Variants in CCDC12 observed in about 807,000 individuals in gnomAD.
CCDC12 encodes the protein coiled-coil domain-containing protein 12.
CCDC12 carries 28 observed loss-of-function variants against 25.7 expected under a neutral mutation model. The ratio of observed to expected loss-of-function variants is 1.09; its 90% CI spans 0.81 to 1.50. The LOEUF (loss-of-function observed/expected upper bound fraction) is 1.50. Among genes scored for constraint, CCDC12 ranks in the 40% most tolerant of loss-of-function variants. The pLI is 0.00. For missense variants in CCDC12, 198 were observed against 210.0 expected (o/e 0.94, Z 0.35); for synonymous variants, 75 against 87.7 (o/e 0.86, Z 0.81).
intron 2 of CCDC12, among the ~76,000 whole-genome samples, chr3:46,925,766 T>C (rs544168068): frequency 1.3e-5 from 2 of 152,318 alleles, no homozygotes; most frequent in South Asian, 4.1e-4. Context: ...GTCTACTCTG[T>C]TGGAGTACGG....
chr3:46,976,370 A>T, intron 1 of CCDC12: 2 of 1,372,400 alleles, frequency 1.5e-6, no homozygotes, highest in Non-Finnish European at 1.9e-6. Flanking sequence ...ACACCCGGGA[A>T]GCAGGAGTCA....
upstream of CCDC12, chr3:46,977,063 C>A (rs922789552): frequency 5.3e-6 from 2 of 374,688 alleles, no homozygotes; most frequent in African/African-American, 4.1e-5. Context: ...GAAAAGAGTG[C>A]GTCGATCGCT....
intron 1 of CCDC12, among the ~76,000 whole-genome samples, chr3:46,975,130 A>G (rs2034924741): frequency 6.6e-6 from 1 of 152,212 alleles, no homozygotes; most frequent in African/African-American, 2.4e-5. Flanking sequence ...GAATATGGCA[A>G]TTAATAGGCT....
chr3:46,930,031 CAAAAAAAA>C lies in CCDC12; in HGVS notation c.165-4504_165-4497del, dbSNP rs145507739. On this transcript the variant is annotated intron_variant, in intron 2 of 6. Coordinates refer to ENST00000683445, the MANE Select transcript of CCDC12 (RefSeq NM_001277074.2). The stretch of plus-strand genomic sequence containing the variant: ...GGGCGAGAACAGCAAGACCCCATCT[CAAAAAAAA>C]AAAAAAAAAAAAAAAAAAGAGATGG... Among the ~76,000 whole-genome samples, 109 of 39,894 alleles carry C rather than the reference CAAAAAAAA, an allele frequency of 2.7e-3. 2 individuals are homozygous for C. The East Asian group carries it at 0.044, about 16-fold the overall frequency. The allele number at this position is 39,894 out of a possible 152,430, so 26.2% of individuals were successfully genotyped here.
At chr3:46,979,325 G>A (rs2035137379), upstream of CCDC12, 1 of 152,360 alleles carries the variant, frequency 6.6e-6, no homozygotes. Flanking sequence ...CGCTACAAGG[G>A]GTCGTCATGG....
intron 1 of CCDC12, among the ~76,000 whole-genome samples, chr3:46,951,792 A>ATATATATAT (rs1439046255): frequency 9.6e-4 from 24 of 24,952 alleles, no homozygotes; most frequent in Non-Finnish European, 1.6e-3. Flanking sequence ...AAAAAAAAAA[A>ATATATATAT]AAAAAAATAT....
chr3:46,976,982 AGCT>A, upstream of CCDC12: 1 of 582,912 alleles, frequency 1.7e-6, no homozygotes, highest in Non-Finnish European at 2.9e-6. Context: ...AAAAAAAAAA[AGCT>A]AAGGCTCGAT....
rs1300913207 is a variant in CCDC12, at chr3:46,927,351, T to G, written c.165-1816A>C. ...GTGGGGAGAAATGAGGAAGAGAAAC[T>G]GGGTGTGGGAAGAAAACTGCAGGGA... is the stretch of plus-strand genomic sequence containing the variant. On this transcript the variant is annotated intron_variant, in intron 2 of 6. Coordinates refer to ENST00000683445, the MANE Select transcript of CCDC12 (RefSeq NM_001277074.2). Among the ~76,000 whole-genome samples, 12 of 152,016 alleles carry G rather than the reference T, an allele frequency of 7.9e-5. No homozygotes were observed. The East Asian group carries it at 2.3e-3, about 29-fold the overall frequency.
chr3:46,930,159 G>C (rs1359758248), intron 2 of CCDC12, among the ~76,000 whole-genome samples: 1 of 151,838 alleles, frequency 6.6e-6, no homozygotes, highest in Non-Finnish European at 1.5e-5. Context: ...ACAGGCATGA[G>C]CCACCATGTC....
At chr3:46,969,829 A>C (rs1575564821) in intron 1 of CCDC12, among the ~76,000 whole-genome samples, 1 of 152,140 alleles carries the variant, frequency 6.6e-6, no homozygotes, top group Non-Finnish European at 1.5e-5. Flanking sequence ...CCGTCGAATA[A>C]GGCAATCACG....
chr3:46,975,051 G>C (rs946525910), intron 1 of CCDC12, among the ~76,000 whole-genome samples: 1 of 152,114 alleles, frequency 6.6e-6, no homozygotes. Flanking sequence ...CCATTACGTT[G>C]GAAAGATGAA....
chr3:46,969,059 C>G (rs924808278), intron 1 of CCDC12, among the ~76,000 whole-genome samples: 6 of 152,152 alleles, frequency 3.9e-5, no homozygotes, highest in Non-Finnish European at 8.8e-5. Context: ...GATGTGGCCA[C>G]ATGGGATGTA....
chr3:46,979,721 C>T (rs2035166532), upstream of CCDC12: 4 of 308,464 alleles, frequency 1.3e-5, no homozygotes, highest in Non-Finnish European at 2.4e-5. Flanking sequence ...AGGCCACAGC[C>T]GCAGACTTCC....
At chr3:46,923,456 G>A in intron 4 of CCDC12, 93 bp from the exon 5 acceptor site, 1 of 1,527,654 alleles carries the variant, frequency 6.5e-7, no homozygotes, top group Non-Finnish European at 9.0e-7. Flanking sequence ...GGAGAAAGAG[G>A]AGGAGGAAGG....
At chr3:46,940,850 T>G in intron 2 of CCDC12, 148 bp downstream of exon 2, 2 of 704,668 alleles carry the variant, frequency 2.8e-6, no homozygotes, top group Non-Finnish European at 5.0e-6. Flanking sequence ...GATGTTGAGA[T>G]TTTAAGGTCT....
chr3:46,977,880 CAG>C (rs1041514769), upstream of CCDC12, among the ~76,000 whole-genome samples: 4 of 152,250 alleles, frequency 2.6e-5, no homozygotes, highest in African/African-American at 7.2e-5. Context: ...CAGAAGCTGC[CAG>C]AGTCTTCTTT....
upstream of CCDC12, among the ~76,000 whole-genome samples, chr3:46,980,744 T>C (rs1575575303): frequency 6.6e-6 from 1 of 152,214 alleles, no homozygotes; most frequent in African/African-American, 2.4e-5. Context: ...CTGGTATCAC[T>C]CACACCGTCT....
chr3:46,937,113 C>G (rs920060820), intron 2 of CCDC12, among the ~76,000 whole-genome samples: 1 of 152,208 alleles, frequency 6.6e-6, no homozygotes, highest in African/African-American at 2.4e-5. Flanking sequence ...CTGTGTAACT[C>G]CCTTGGCGTC....
intron 2 of CCDC12, among the ~76,000 whole-genome samples, chr3:46,933,719 C>T (rs2033324618): frequency 6.6e-6 from 1 of 152,120 alleles, no homozygotes. Context: ...ACAAAAAACC[C>T]CAAGACTGAA....
Sources: gnomAD v4.1 joint callset for allele counts (sites outside exome capture counted in the v4.1 genomes callset) on GRCh38, gnomAD v4.1.1 for gene constraint, MANE v1.5 for transcripts, NCBI Gene and HGNC (gene_info 2026-07-23, HGNC 2026-07-21) for gene names.